Variants in PKD1L3 observed in about 807,000 individuals in gnomAD.
PKD1L3 encodes the protein polycystin-1-like protein 3.
In PKD1L3, 239 loss-of-function variants were observed where a neutral mutation model predicts 184.1. That is an observed-to-expected ratio of 1.30 (90% CI 1.17 to 1.45). The LOEUF (loss-of-function observed/expected upper bound fraction) is 1.45, where lower values mean the gene tolerates loss of function less well. PKD1L3 is among the 40% of genes most tolerant of loss of function. The pLI, the probability that PKD1L3 is intolerant of heterozygous loss-of-function variation, is 0.00. For synonymous variants in PKD1L3, 996 were observed against 778.8 expected (o/e 1.28, Z -4.64); for missense variants, 2,660 against 2,067.2 (o/e 1.29, Z -5.56).
intron 27 of PKD1L3, 133 bp from the exon 28 acceptor site, chr16:71,933,654 C>CAT (rs2038070927): frequency 2.7e-6 from 2 of 749,944 alleles, no homozygotes; most frequent in Non-Finnish European, 4.5e-6. Context: ...CCAAAGAATA[C>CAT]ATAAACTTCC....
chr16:71,952,431 G>C lies in PKD1L3; in HGVS notation c.3009+463C>G, dbSNP rs1031528650. Among the ~76,000 whole-genome samples the C allele has an allele frequency of 5.3e-5, 8 of 151,004 alleles. No homozygotes were observed. The East Asian group carries it at 1.4e-3, about 26-fold the overall frequency. ...AGACGGGGTTTCACCATGTTAGCCA[G>C]GATGGTCTCGATCTCCTGACCTCGT... On this transcript the variant is annotated intron_variant, in intron 18 of 29. Transcript: ENST00000620267.
At position 72,000,109 on chromosome 16, in the gene PKD1L3, A is replaced by G. The variant is rs535499456; in HGVS notation, c.-131T>C. The G allele has an allele frequency of 1.1e-5, 9 of 822,744 alleles. No homozygotes were observed. The African/African-American group carries it at 1.8e-4, about 16-fold the overall frequency. The allele number at this position is 822,744 out of a possible 1,614,324, so 51.0% of individuals were successfully genotyped here. ...TTGGGAACAATTTACCAAGGATACAAAAGGTTTTGTTTTGAGGACCCAGGT... is the reference window on the plus strand; with the variant it reads ...TTGGGAACAATTTACCAAGGATACAGAAGGTTTTGTTTTGAGGACCCAGGT... On this transcript the variant is annotated 5_prime_UTR_variant, in exon 1 of 30. Coordinates refer to ENST00000620267, the MANE Select transcript of PKD1L3 (RefSeq NM_181536.2).
At chr16:71,943,301 C>G (rs930882722) in intron 23 of PKD1L3, among the ~76,000 whole-genome samples, 2 of 152,022 alleles carry the variant, frequency 1.3e-5, no homozygotes, top group Non-Finnish European at 2.9e-5. Flanking sequence ...CTTTGGGAAG[C>G]TGAGACGGGC....
intron 28 of PKD1L3, among the ~76,000 whole-genome samples, chr16:71,932,396 G>C (rs1292736447): frequency 6.6e-6 from 1 of 152,192 alleles, no homozygotes; most frequent in Admixed American, 6.5e-5. Context: ...TAGGCTCTCT[G>C]AAGTGAGTAG....
chr16:71,998,388 A>C lies in PKD1L3; in HGVS notation c.302T>G (p.Val101Gly), dbSNP rs1026995730. 4 of 1,551,194 alleles carry C rather than the reference A, an allele frequency of 2.6e-6. No individual in the cohort carries two copies. Among genetic ancestry groups the C allele is most frequent in the Non-Finnish European group, 3.5e-6 (4 of 1,146,954 alleles). The change falls in exon 2 of 30, where the codon GTT becomes GGT. Residue 101 changes from valine (V) to glycine (G), a missense_variant. Val to Gly is a moderately radical substitution (Grantham distance 109, BLOSUM62 -3). Coordinates refer to ENST00000620267, the MANE Select transcript of PKD1L3 (RefSeq NM_181536.2). ...KHQDNKYPAD[V>G]AANGPPKPLS... ...GGGCTTTGGGGGCCCGTTGGCTGCA[A>C]CGTCTGCTGAGGGGAGATCAGACGC... is the stretch of plus-strand genomic sequence containing the variant.
intron 15 of PKD1L3, among the ~76,000 whole-genome samples, chr16:71,965,665 T>C (rs1567521871): frequency 6.6e-6 from 1 of 151,934 alleles, no homozygotes; most frequent in Non-Finnish European, 1.5e-5. Flanking sequence ...GCAATTCTCC[T>C]GCCTCGGTCT....
Position 71,954,230 on chromosome 16 carries a change from T to C in PKD1L3, c.2684A>G (p.His895Arg). Residue 895 changes from histidine (H) to arginine (R), a missense_variant, in exon 17 of 30, where the codon CAT becomes CGT. Physicochemically the swap from His to Arg is conservative, Grantham distance 29. Transcript: ENST00000620267. ...DYLWLSIATR[H>R]PWNQFTRVQR... Reference sequence around the variant, plus strand: ...GACCCTTGTAAACTGGTTCCAGGGATGCCGAGTTGCAATTGAAAGCCACAG... The same window carrying C: ...GACCCTTGTAAACTGGTTCCAGGGACGCCGAGTTGCAATTGAAAGCCACAG... 22 of 1,551,130 alleles carry C rather than the reference T, an allele frequency of 1.4e-5. No individual in the cohort carries two copies. The highest frequency in any genetic ancestry group is 1.9e-5 in the Non-Finnish European group (22 of 1,146,672).
intron 28 of PKD1L3, among the ~76,000 whole-genome samples, chr16:71,931,508 C>T (rs993233366): frequency 3.4e-5 from 5 of 148,308 alleles, no homozygotes; most frequent in East Asian, 2.0e-4. Flanking sequence ...GCTCTCACCC[C>T]GGCTGGAGTG....
At chr16:71,983,968 T>G in intron 6 of PKD1L3, 68 bp downstream of exon 6, 2 of 1,526,162 alleles carry the variant, frequency 1.3e-6, no homozygotes, top group Non-Finnish European at 8.8e-7. Context: ...CAGCCTCAGA[T>G]TCTCTTTTTC....
At position 71,993,307 on chromosome 16, in the gene PKD1L3, A is replaced by G; in HGVS notation, c.444T>C (p.His148=). The G allele has an allele frequency of 6.5e-7, 1 of 1,549,214 alleles. No individual in the cohort carries two copies. The highest frequency in any genetic ancestry group is 8.7e-7 in the Non-Finnish European group (1 of 1,146,202). ...GGGAATTATTTCCATTTCTTTCATA[A>G]TGGGCATCTCCGTCCAAAAAGTCAC... is the stretch of plus-strand genomic sequence containing the variant. ...QTGDFLDGDA[H]YERNGNNSHL... The change falls in exon 3 of 30, where the codon CAT becomes CAC. Residue 148 remains histidine, a synonymous_variant. Coordinates refer to ENST00000620267, the MANE Select transcript of PKD1L3 (RefSeq NM_181536.2).
chr16:71,952,760 G>A (rs569980486), intron 18 of PKD1L3, 134 bp downstream of exon 18: 37 of 887,006 alleles, frequency 4.2e-5, no homozygotes, highest in East Asian at 6.2e-5. Flanking sequence ...CACTTGAGCC[G>A]GGAGTTTGAG....
Position 71,986,443 on chromosome 16 carries a change from G to A in PKD1L3, c.612C>T (p.Ser204=). The part of the protein sequence containing the change: ...HLSKTLCHPI[S]QFPSVLSSIT... ...TACTTGATAGTACTGAAGGAAACTG[G>A]CTGATGGGATGACACAGGGTCTTGG... is the stretch of plus-strand genomic sequence containing the variant. The change falls in exon 5 of 30, where the codon AGC becomes AGT. Residue 204 remains serine, a synonymous_variant. Coordinates refer to ENST00000620267, the MANE Select transcript of PKD1L3 (RefSeq NM_181536.2). 2.6e-6 allele frequency: 4 copies of A among 1,551,932 alleles called. No individual in the cohort carries two copies. Among genetic ancestry groups the A allele is most frequent in the Non-Finnish European group, 3.5e-6 (4 of 1,146,860 alleles).
chr16:71,992,041 G>C (rs902679000), intron 3 of PKD1L3, among the ~76,000 whole-genome samples: 3 of 152,074 alleles, frequency 2.0e-5, no homozygotes, highest in South Asian at 4.1e-4. Flanking sequence ...GGTTGGACTG[G>C]AACTCCTGGC....
chr16:71,930,279 A>G, intron 28 of PKD1L3, 96 bp from the exon 29 acceptor site: 1 of 1,288,152 alleles, frequency 7.8e-7, no homozygotes, highest in Non-Finnish European at 1.0e-6. Flanking sequence ...TTATCAGAAG[A>G]AAAGCTTATC....
At chr16:71,939,907 T>G (rs964221577) in intron 24 of PKD1L3, among the ~76,000 whole-genome samples, 1 of 152,134 alleles carries the variant, frequency 6.6e-6, no homozygotes, top group African/African-American at 2.4e-5. Flanking sequence ...GGAGGGCAGA[T>G]GAGAGCAACA....
chr16:71,943,133 C>A (rs778958730), intron 23 of PKD1L3, 109 bp from the exon 24 acceptor site: 5 of 778,274 alleles, frequency 6.4e-6, no homozygotes, highest in Non-Finnish European at 1.0e-5. Context: ...CAAAACCAGT[C>A]AAAAACTGGC....
chr16:71,962,617 G>C (rs890832129), intron 16 of PKD1L3, among the ~76,000 whole-genome samples: 1 of 152,094 alleles, frequency 6.6e-6, no homozygotes, highest in Non-Finnish European at 1.5e-5. Flanking sequence ...CTCCCGAGTA[G>C]CTGGGATCAC....
intron 27 of PKD1L3, 108 bp from the exon 28 acceptor site, chr16:71,933,629 G>T: frequency 3.5e-6 from 3 of 862,960 alleles, no homozygotes; most frequent in Non-Finnish European, 5.6e-6. Flanking sequence ...GAAATTCCTT[G>T]TGGCCAAATT....
intron 11 of PKD1L3, among the ~76,000 whole-genome samples, chr16:71,974,482 C>A (rs903324980): frequency 3.9e-5 from 6 of 152,094 alleles, no homozygotes; most frequent in African/African-American, 1.2e-4. Flanking sequence ...GAGTTTGAGA[C>A]CTAGCTTGGC....
Sources: gnomAD v4.1 joint callset for allele counts (sites outside exome capture counted in the v4.1 genomes callset) on GRCh38, gnomAD v4.1.1 for gene constraint, MANE v1.5 for transcripts, NCBI Gene and HGNC (gene_info 2026-07-23, HGNC 2026-07-21) for gene names.